KHDRBS2: variants seen among roughly 807,000 people sequenced by gnomAD.
KHDRBS2 encodes KH domain-containing, RNA-binding, signal transduction-associated protein 2.
KHDRBS2 carries 26 observed loss-of-function variants against 44.3 expected under a neutral mutation model. The ratio of observed to expected loss-of-function variants is 0.59; its 90% CI spans 0.43 to 0.81. KHDRBS2 has a LOEUF of 0.81. Ranked by LOEUF, KHDRBS2 falls within the 40% of genes least tolerant of loss-of-function variation. The probability of loss-of-function intolerance (pLI) is 0.00; values close to 1 mark genes in which losing one functional copy is unlikely to be tolerated. For missense variants in KHDRBS2, 476 were observed against 433.1 expected (o/e 1.10, Z -0.88); for synonymous variants, 194 against 151.1 (o/e 1.28, Z -2.08).
intron 6 of KHDRBS2, among the ~76,000 whole-genome samples, chr6:61,891,316 G>A (rs959221849): frequency 2.0e-5 from 3 of 152,142 alleles, no homozygotes; most frequent in Non-Finnish European, 2.9e-5. Flanking sequence ...TTTTTGATGT[G>A]CTGCTGGATT....
intron 1 of KHDRBS2, among the ~76,000 whole-genome samples, chr6:62,216,225 G>C (rs1053534261): frequency 6.6e-6 from 1 of 151,634 alleles, no homozygotes; most frequent in East Asian, 1.9e-4. Context: ...TCAAGGATTA[G>C]AATCACTGTA....
chr6:61,722,318 A>T (rs1273886681), intron 7 of KHDRBS2, among the ~76,000 whole-genome samples: 2 of 152,082 alleles, frequency 1.3e-5, no homozygotes, highest in East Asian at 3.9e-4. Context: ...ATTCATTTGA[A>T]ATTTTCCTGA....
intron 6 of KHDRBS2, among the ~76,000 whole-genome samples, chr6:61,877,711 T>C (rs1389131920): frequency 6.6e-6 from 1 of 152,006 alleles, no homozygotes; most frequent in African/African-American, 2.4e-5. Context: ...AAAAAACCAC[T>C]GTGTTTCAGT....
intron 2 of KHDRBS2, among the ~76,000 whole-genome samples, chr6:62,117,308 G>T (rs1806499792): frequency 6.6e-6 from 1 of 152,102 alleles, no homozygotes; most frequent in Non-Finnish European, 1.5e-5. Context: ...ACGGGGGTGA[G>T]ATGATATTTC....
At chr6:61,616,478 T>C in the KHDRBS2 span, among the ~76,000 whole-genome samples, 1 of 31,482 alleles carries the variant, frequency 3.2e-5, no homozygotes. Context: ...TACATATATA[T>C]ATATATATAT....
rs183402799 is a variant in KHDRBS2 at position 61,937,935 on chromosome 6, A to T, written c.484-36564T>A. Reference sequence around the variant, plus strand: ...TTACTTTCCATTTTTATTACCTCAAATTTTTCAGTCTAGTATTTGTATGTG... The same window carrying T: ...TTACTTTCCATTTTTATTACCTCAATTTTTTCAGTCTAGTATTTGTATGTG... On this transcript the variant is annotated intron_variant, in intron 4 of 8. Coordinates refer to ENST00000281156, the MANE Select transcript of KHDRBS2 (RefSeq NM_152688.4). 2.0e-3 allele frequency among the ~76,000 whole-genome samples: 297 copies of T among 151,770 alleles called. 1 individual carries two copies. The highest frequency in any genetic ancestry group is 7.1e-3 in the African/African-American group (292 of 41,390).
At position 62,065,872 on chromosome 6, in the gene KHDRBS2, G is replaced by C. The variant is rs1161625633; in HGVS notation, c.220-17878C>G. Among the ~76,000 whole-genome samples the C allele has an allele frequency of 1.3e-4, 19 of 151,312 alleles. No homozygotes were observed. The East Asian group carries it at 3.7e-3, about 30-fold the overall frequency. On this transcript the variant is annotated intron_variant, in intron 2 of 8. Coordinates refer to ENST00000281156, the MANE Select transcript of KHDRBS2 (RefSeq NM_152688.4). ...ATGATTCAACATGAATTTTAATAAT[G>C]TCAACACATACACAATTCATGTACC... is the stretch of plus-strand genomic sequence containing the variant.
chr6:61,960,906 C>A (rs1454383499), intron 4 of KHDRBS2, among the ~76,000 whole-genome samples: 3 of 152,030 alleles, frequency 2.0e-5, no homozygotes, highest in Admixed American at 2.0e-4. Context: ...GTGCATGAAG[C>A]AGTTATTTGA....
At chr6:61,897,842 T>C (rs1214518324) in intron 5 of KHDRBS2, among the ~76,000 whole-genome samples, 4 of 152,152 alleles carry the variant, frequency 2.6e-5, no homozygotes, top group Admixed American at 2.6e-4. Context: ...TTCTATGTAT[T>C]CGTTCTCAAC....
At chr6:62,177,069 T>C (rs1585073602) in intron 2 of KHDRBS2, 116 bp downstream of exon 2, 4 of 606,230 alleles carry the variant, frequency 6.6e-6, no homozygotes, top group Admixed American at 7.1e-5. Context: ...TGTGCTTGCA[T>C]ACACTTACAT....
chr6:62,281,086 C>A (rs1841730579), intron 1 of KHDRBS2, among the ~76,000 whole-genome samples: 1 of 152,058 alleles, frequency 6.6e-6, no homozygotes, highest in African/African-American at 2.4e-5. Context: ...TAAATAGGAC[C>A]AGGGCTAATC....
At chr6:61,986,960 CAT>C (rs1169512012) in intron 3 of KHDRBS2, among the ~76,000 whole-genome samples, 1 of 152,154 alleles carries the variant, frequency 6.6e-6, no homozygotes, top group Non-Finnish European at 1.5e-5. Context: ...TCCACAGAAT[CAT>C]GTGTACTTTC....
In KHDRBS2 at chr6:61,775,744, T is replaced by C. The variant is rs936733052; in HGVS notation, c.811-42980A>G. ...AAGGTAATTTACAGATTCAATGCCA[T>C]CCCCATCAAGCTACCAGTGACTTTC... On this transcript the variant is annotated intron_variant, in intron 6 of 8. Transcript: ENST00000281156. Among the ~76,000 whole-genome samples, 342 of 152,254 alleles carry C rather than the reference T, an allele frequency of 2.2e-3. 2 individuals are homozygous for C. The highest frequency in any genetic ancestry group is 8.0e-3 in the African/African-American group (333 of 41,538).
intron 2 of KHDRBS2, among the ~76,000 whole-genome samples, chr6:62,124,321 A>G (rs572773177): frequency 1.3e-5 from 2 of 152,162 alleles, no homozygotes; most frequent in South Asian, 4.1e-4. Context: ...TCTGCAAAAT[A>G]AAGTCCAAGG....
chr6:62,131,383 C>G (rs539205988), intron 2 of KHDRBS2, among the ~76,000 whole-genome samples: 1 of 152,136 alleles, frequency 6.6e-6, no homozygotes, highest in Admixed American at 6.5e-5. Flanking sequence ...TTAAAGAGAG[C>G]TTATTTACAG....
chr6:61,566,574 G>A, the KHDRBS2 span, among the ~76,000 whole-genome samples: 3 of 152,250 alleles, frequency 2.0e-5, no homozygotes, highest in African/African-American at 7.2e-5. Context: ...CCCAAGGTTA[G>A]TTTGACCTAC....
chr6:62,050,267 G>C (rs1194640085), intron 2 of KHDRBS2, among the ~76,000 whole-genome samples: 1 of 151,942 alleles, frequency 6.6e-6, no homozygotes, highest in African/African-American at 2.4e-5. Flanking sequence ...CGCAGGGAGG[G>C]GAACATCACA....
chr6:61,774,485 A>T (rs1485045800), intron 6 of KHDRBS2, among the ~76,000 whole-genome samples: 1 of 152,158 alleles, frequency 6.6e-6, no homozygotes, highest in Non-Finnish European at 1.5e-5. Flanking sequence ...AATCACAAGC[A>T]TTCTTATATA....
At chr6:61,547,735 C>A in the KHDRBS2 span, among the ~76,000 whole-genome samples, 1 of 152,252 alleles carries the variant, frequency 6.6e-6, no homozygotes, top group South Asian at 2.1e-4. Flanking sequence ...TTAAAATCTT[C>A]TCAAATAATT....
Sources: allele counts gnomAD v4.1 joint callset (sites outside exome capture counted in the v4.1 genomes callset), GRCh38; gene constraint gnomAD v4.1.1; transcripts MANE v1.5; gene names NCBI Gene and HGNC (gene_info 2026-07-23, HGNC 2026-07-21).